GALNT16: variants seen among roughly 807,000 people sequenced by gnomAD.
The protein encoded by GALNT16 is polypeptide N-acetylgalactosaminyltransferase 16, also known as UDP-GalNAc:polypeptide N-acetylgalactosaminyltransferase-like protein 1.
A neutral mutation model predicts 76.1 loss-of-function variants in GALNT16; 40 were observed. That is an observed-to-expected ratio of 0.53 (90% CI 0.41 to 0.68). GALNT16 has a LOEUF of 0.68. Among genes scored for constraint, GALNT16 ranks in the 30% least tolerant of loss-of-function variants. The pLI is 0.00. For synonymous variants in GALNT16, 276 were observed against 285.2 expected, an observed-to-expected ratio of 0.97 and a Z score of 0.32; for missense variants, 621 against 731.9, an observed-to-expected ratio of 0.85 and a Z score of 1.75.
At chr14:69,327,336 T>C (rs1276339171) in intron 5 of GALNT16, among the ~76,000 whole-genome samples, 1 of 151,860 alleles carries the variant, frequency 6.6e-6, no homozygotes, top group Non-Finnish European at 1.5e-5. Flanking sequence ...CCAGCCTGGG[T>C]GACAGAGCGA....
At chr14:69,260,090 G>T (rs1594802067), upstream of GALNT16, 2 of 578,056 alleles carry the variant, frequency 3.5e-6, no homozygotes, top group African/African-American at 1.9e-5. Flanking sequence ...GGGCTGAAGG[G>T]CATTAGGACC....
At chr14:69,300,386 G>A (rs1303635761) in intron 1 of GALNT16, among the ~76,000 whole-genome samples, 2 of 152,188 alleles carry the variant, frequency 1.3e-5, no homozygotes, top group Non-Finnish European at 2.9e-5. Flanking sequence ...TCCTGCCCTT[G>A]CTGTCACTGG....
the GALNT16 span, among the ~76,000 whole-genome samples, chr14:69,364,497 G>A: frequency 6.6e-6 from 1 of 152,124 alleles, no homozygotes; most frequent in African/African-American, 2.4e-5. This position sits in a 1 kb window ranked among gnomAD's most constrained non-coding sequence, Gnocchi z 4.2. Flanking sequence ...GGAAACTGCA[G>A]CTTTGAAATT....
In GALNT16 at chr14:69,341,748, G is replaced by A. The variant is rs143870126; in HGVS notation, c.1255G>A (p.Val419Ile). ...GTCCTTCCGCTGGTACCTGGAGAAC[G>A]TCTACCCAGAGCTCACGTGAGTGCA... ...CKSFRWYLEN[V>I]YPELTVPVKE... The change falls in exon 12 of 15, where the codon GTC (valine) becomes ATC (isoleucine). Residue 419 changes from valine (V) to isoleucine (I), a missense_variant. Physicochemically the swap from Val to Ile is conservative, Grantham distance 29. Transcript: ENST00000448469. 4.5e-5 allele frequency: 73 copies of A among 1,612,346 alleles called. No homozygotes were observed. The highest frequency in any genetic ancestry group is 3.6e-4 in the South Asian group (33 of 90,892).
intron 1 of GALNT16, among the ~76,000 whole-genome samples, chr14:69,317,372 TG>T (rs2045117684): frequency 6.6e-6 from 1 of 152,176 alleles, no homozygotes; most frequent in Non-Finnish European, 1.5e-5. Context: ...TGAGGTTCTG[TG>T]GTCAGTTCTC....
At chr14:69,312,883 G>A (rs72722166) in intron 1 of GALNT16, among the ~76,000 whole-genome samples, 104 of 152,236 alleles carry the variant, frequency 6.8e-4, no homozygotes, top group Non-Finnish European at 1.2e-3. Flanking sequence ...TTGGCAAGAG[G>A]GGATGCCAAG....
chr14:69,333,529 TCGA>T lies in GALNT16; in HGVS notation c.898_900del (p.Asp300del). The stretch of plus-strand genomic sequence containing the variant: ...GTCATAGCTGGAGGAATCTTCGTGA[TCGA>T]CAAGTCCTGGTTTAACCACTTGGGA... On this transcript the variant is annotated inframe_deletion, in exon 9 of 15. Transcript: ENST00000448469. The surrounding 1 kb of genome is among the most constrained non-coding windows in gnomAD (Gnocchi z 4.2). The T allele has an allele frequency of 6.2e-7, 1 of 1,611,708 alleles. No homozygotes were observed. Among genetic ancestry groups the T allele is most frequent in the Non-Finnish European group, 8.5e-7 (1 of 1,178,472 alleles).
chr14:69,308,961 G>C (rs1017331398), intron 1 of GALNT16, among the ~76,000 whole-genome samples: 1 of 152,192 alleles, frequency 6.6e-6, no homozygotes, highest in African/African-American at 2.4e-5. Context: ...GAATTAGCAA[G>C]ACATTATGTC....
chr14:69,340,631 C>T (rs1246528155), intron 11 of GALNT16, among the ~76,000 whole-genome samples: 5 of 152,060 alleles, frequency 3.3e-5, no homozygotes, highest in South Asian at 2.1e-4. Flanking sequence ...ATTACAGGCA[C>T]GTGCCACCAT....
At position 69,282,087 on chromosome 14, in the gene GALNT16, C is replaced by T. The variant is rs181266554; in HGVS notation, c.177+21620C>T. 1.8e-4 allele frequency among the ~76,000 whole-genome samples: 28 copies of T among 152,324 alleles called. No individual in the cohort carries two copies. In the East Asian group the frequency reaches 5.4e-3, roughly 29 times the overall value. On this transcript the variant is annotated intron_variant, in intron 1 of 14. Transcript: ENST00000448469. Reference sequence around the variant, plus strand: ...GAAGACGATGTCTGCACTAGCTGGGCTTTGTTTTCTTTATGTGAAGACAAC... The same window carrying T: ...GAAGACGATGTCTGCACTAGCTGGGTTTTGTTTTCTTTATGTGAAGACAAC...
intron 2 of GALNT16, among the ~76,000 whole-genome samples, chr14:69,322,926 GTGT>G (rs1184647453): frequency 0.026 from 731 of 27,692 alleles, 21 homozygotes; most frequent in East Asian, 0.048. Flanking sequence ...GGCTCACGGG[GTGT>G]GTGTGTGTGT....
chr14:69,345,508 C>G (rs1403573276), intron 12 of GALNT16, among the ~76,000 whole-genome samples: 1 of 152,180 alleles, frequency 6.6e-6, no homozygotes, highest in Non-Finnish European at 1.5e-5. Flanking sequence ...CCCAACCCCC[C>G]AGGCCCAGAT....
At chr14:69,345,734 G>GTGTGTGTGTGTGTGTGTGTGTC (rs1371697172) in intron 12 of GALNT16, among the ~76,000 whole-genome samples, 1 of 151,752 alleles carries the variant, frequency 6.6e-6, no homozygotes, top group Non-Finnish European at 1.5e-5. Context: ...GTGTGTGTGT[G>GTGTGTGTGTGTGTGTGTGTGTC]TGTCTGTATG....
chr14:69,347,338 A>T (rs2045579283), intron 13 of GALNT16, among the ~76,000 whole-genome samples, 157 bp downstream of exon 13: 2 of 152,038 alleles, frequency 1.3e-5, no homozygotes, highest in Admixed American at 1.3e-4. Context: ...ACACATTCAT[A>T]TCCCCTTTCC....
At chr14:69,365,046 C>G in the GALNT16 span, among the ~76,000 whole-genome samples, 3 of 152,162 alleles carry the variant, frequency 2.0e-5, no homozygotes, top group Non-Finnish European at 2.9e-5. Context: ...ATGTCTGATT[C>G]CCAGAATTGA....
chr14:69,299,901 C>T (rs949646569), intron 1 of GALNT16, among the ~76,000 whole-genome samples: 2 of 152,170 alleles, frequency 1.3e-5, no homozygotes, highest in African/African-American at 2.4e-5. Context: ...CCTTCTAAGA[C>T]ACCAAGGTGT....
In GALNT16 at chr14:69,352,450, T is replaced by A. The variant is rs1352945337; in HGVS notation, c.*282T>A. On this transcript the variant is annotated 3_prime_UTR_variant, in exon 15 of 15. Transcript: ENST00000448469. ...AGACTGAGTAGGTGCCCCTGGCCCT[T>A]TGTCCTCTCCCTTGGCGCTTCTTGG... 2 of 377,952 alleles carry A rather than the reference T, an allele frequency of 5.3e-6. No individual in the cohort carries two copies. Among genetic ancestry groups the A allele is most frequent in the Non-Finnish European group, 9.5e-6 (2 of 209,936 alleles). The allele number at this position is 377,952 out of a possible 1,614,324, so 23.4% of individuals were successfully genotyped here. A position where few individuals can be genotyped will look rare whatever the true frequency, so the allele number is the denominator to read the frequency against.
At chr14:69,300,590 C>T (rs188563291) in intron 1 of GALNT16, among the ~76,000 whole-genome samples, 16 of 152,344 alleles carry the variant, frequency 1.1e-4, no homozygotes, top group Non-Finnish European at 1.9e-4. Context: ...GCAGAATCTT[C>T]CATTTCACTT....
At chr14:69,311,904 T>C (rs539118646) in intron 1 of GALNT16, among the ~76,000 whole-genome samples, 123 of 151,936 alleles carry the variant, frequency 8.1e-4, no homozygotes, top group Middle Eastern at 3.4e-3. Flanking sequence ...TGCTTTTTTT[T>C]CCCCCTTAAT....
Sources: allele counts gnomAD v4.1 joint callset (sites outside exome capture counted in the v4.1 genomes callset), GRCh38; gene constraint gnomAD v4.1.1; non-coding constraint Gnocchi (gnomAD v3.1); transcripts MANE v1.5; gene names NCBI Gene and HGNC (gene_info 2026-07-23, HGNC 2026-07-21).